Variants in PSD2 observed in about 807,000 individuals in gnomAD.
PSD2 encodes PH and SEC7 domain-containing protein 2.
A neutral mutation model predicts 69.8 loss-of-function variants in PSD2; 38 were observed. The ratio of observed to expected loss-of-function variants is 0.54; its 90% CI spans 0.42 to 0.71. The LOEUF (loss-of-function observed/expected upper bound fraction) is 0.71. Among genes scored for constraint, PSD2 ranks in the 30% least tolerant of loss-of-function variants. The pLI is 0.00. For missense variants in PSD2, 943 were observed against 1,014.5 expected, an observed-to-expected ratio of 0.93 and a Z score of 0.96; for synonymous variants, 412 against 423.0, an observed-to-expected ratio of 0.97 and a Z score of 0.32.
At chr5:139,766,596 A>T in the PSD2 span, among the ~76,000 whole-genome samples, 1 of 152,080 alleles carries the variant, frequency 6.6e-6, no homozygotes, top group Non-Finnish European at 1.5e-5. Context: ...CCATGGTTAG[A>T]TCTGTGATTT....
chr5:139,816,302 C>G (rs1009670348), intron 4 of PSD2, among the ~76,000 whole-genome samples: 1 of 152,166 alleles, frequency 6.6e-6, no homozygotes, highest in Non-Finnish European at 1.5e-5. Context: ...CTCCAACATT[C>G]AGTCTGTGTT....
chr5:139,778,803 C>T, the PSD2 span, among the ~76,000 whole-genome samples: 1 of 151,816 alleles, frequency 6.6e-6, no homozygotes, highest in Admixed American at 6.6e-5. Flanking sequence ...GTGGCACGTG[C>T]CTATAGTCGC....
chr5:139,823,062 T>C (rs1294176912), intron 7 of PSD2, among the ~76,000 whole-genome samples: 1 of 152,170 alleles, frequency 6.6e-6, no homozygotes, highest in Admixed American at 6.5e-5. Flanking sequence ...TAAGAGATCA[T>C]GTGCCCTTTG....
At chr5:139,777,013 T>G in the PSD2 span, among the ~76,000 whole-genome samples, 1 of 152,330 alleles carries the variant, frequency 6.6e-6, no homozygotes, top group East Asian at 1.9e-4. Context: ...TGTCCAGCTG[T>G]TGGAACTAGC....
chr5:139,813,031 G>C (rs569088872), intron 2 of PSD2, among the ~76,000 whole-genome samples: 7 of 152,298 alleles, frequency 4.6e-5, no homozygotes, highest in South Asian at 2.1e-4. Context: ...CAGGGGACTG[G>C]GGCTTCTTAG....
At chr5:139,778,668 C>T in the PSD2 span, among the ~76,000 whole-genome samples, 10 of 151,942 alleles carry the variant, frequency 6.6e-5, no homozygotes, top group Non-Finnish European at 1.5e-4. Context: ...TGGTGGCTTA[C>T]GCCTGTAATA....
chr5:139,790,012 G>A, the PSD2 span, among the ~76,000 whole-genome samples: 1 of 152,128 alleles, frequency 6.6e-6, no homozygotes, highest in Non-Finnish European at 1.5e-5. Context: ...CGCTGAGGTG[G>A]GAGTGTCCCT....
intron 7 of PSD2, among the ~76,000 whole-genome samples, chr5:139,831,330 A>G (rs1370460391): frequency 6.6e-6 from 1 of 152,208 alleles, no homozygotes; most frequent in Non-Finnish European, 1.5e-5. Flanking sequence ...TTTAAGGCAT[A>G]TATCTTGTAT....
chr5:139,830,521 T>TCTTCCTTCCTTC (rs534774072), intron 7 of PSD2, among the ~76,000 whole-genome samples: 5,396 of 96,938 alleles, frequency 0.056, 294 homozygotes, highest in South Asian at 0.12. Context: ...CAGCTAATTT[T>TCTTCCTTCCTTC]CTTCCTTCCT....
the PSD2 span, chr5:139,743,698 C>T: frequency 1.3e-5 from 2 of 152,412 alleles, no homozygotes; most frequent in Non-Finnish European, 2.9e-5. Flanking sequence ...TGGGAGCCCA[C>T]ACTGAGTGCA....
At chr5:139,748,688 C>T in the PSD2 span, among the ~76,000 whole-genome samples, 1 of 152,246 alleles carries the variant, frequency 6.6e-6, no homozygotes, top group East Asian at 1.9e-4. Flanking sequence ...AGAACAAAGG[C>T]CGGGCAGGTG....
intron 5 of PSD2, among the ~76,000 whole-genome samples, chr5:139,819,829 C>T (rs531856960): frequency 7.2e-5 from 11 of 152,278 alleles, no homozygotes; most frequent in South Asian, 6.2e-4. Context: ...AGGTGTTCAG[C>T]GGGGTCAGCT....
the PSD2 span, among the ~76,000 whole-genome samples, chr5:139,759,208 T>A: frequency 1.3e-5 from 2 of 152,104 alleles, no homozygotes; most frequent in African/African-American, 4.8e-5. Context: ...GGTGCCTGTG[T>A]GTGTTGGAAA....
At chr5:139,819,153 A>G (rs1264601335) in intron 5 of PSD2, among the ~76,000 whole-genome samples, 1 of 152,242 alleles carries the variant, frequency 6.6e-6, no homozygotes, top group Non-Finnish European at 1.5e-5. Flanking sequence ...GTTCTAGATT[A>G]TTCTGTGTTC....
intron 1 of PSD2, among the ~76,000 whole-genome samples, chr5:139,801,802 C>T (rs1231276436): frequency 6.6e-6 from 1 of 152,220 alleles, no homozygotes; most frequent in Non-Finnish European, 1.5e-5. Flanking sequence ...ACCTGCTCCA[C>T]CCAGTTTCTC....
chr5:139,822,366 C>G (rs1316196885), intron 6 of PSD2, among the ~76,000 whole-genome samples: 1 of 152,162 alleles, frequency 6.6e-6, no homozygotes, highest in African/African-American at 2.4e-5. Context: ...ATAGATGGGC[C>G]TAAGTCCCAG....
At chr5:139,811,992 C>T (rs1759980143) in intron 2 of PSD2, among the ~76,000 whole-genome samples, 1 of 152,156 alleles carries the variant, frequency 6.6e-6, no homozygotes. Context: ...GTCTTACTCT[C>T]TCAGTCTCTC....
In PSD2 at chr5:139,813,383, T is replaced by C; in HGVS notation, c.446T>C (p.Leu149Pro). The C allele has an allele frequency of 6.2e-7, 1 of 1,603,574 alleles. No individual in the cohort carries two copies. The highest frequency in any genetic ancestry group is 1.1e-5 in the South Asian group (1 of 90,710). ...TTTGAGAAGATTCTGGAGTCAGAGC[T>C]GCTGCGGGGCACCCAGTACAGCAGC... ...ATFEKILESE[L>P]LRGTQYSSLD... The change falls in exon 3 of 15, where the codon CTG (leucine) becomes CCG (proline). Residue 149 changes from leucine to proline, a missense_variant. Around this residue, in one of 3 missense-constraint regions of PSD2, gnomAD observed 466 missense variants for 445.0 expected, o/e 1.05. Coordinates refer to ENST00000274710, the MANE Select transcript of PSD2 (RefSeq NM_032289.4).
rs796848563 is a variant in PSD2 at position 139,813,356 on chromosome 5, C to T, written c.419C>T (p.Thr140Met). The change falls in exon 3 of 15, where the codon ACG (threonine) becomes ATG (methionine). Residue 140 changes from threonine to methionine, a missense_variant. Thr to Met is a moderately conservative substitution (Grantham distance 81). This residue lies in a region of PSD2 where 466 missense variants were observed against 445.0 expected (regional missense o/e 1.05). Coordinates refer to ENST00000274710, the MANE Select transcript of PSD2 (RefSeq NM_032289.4). Reference protein sequence around the residue: ...EPDVRDGFSATFEKILESELL... With the variant: ...EPDVRDGFSAMFEKILESELL... The stretch of plus-strand genomic sequence containing the variant: ...GATGTGCGGGATGGCTTCAGCGCCA[C>T]GTTTGAGAAGATTCTGGAGTCAGAG... 9.5e-6 allele frequency: 15 copies of T among 1,586,730 alleles called. No individual in the cohort carries two copies. The highest frequency in any genetic ancestry group is 8.1e-5 in the African/African-American group (6 of 74,472).
Sources: gnomAD v4.1 joint callset for allele counts (sites outside exome capture counted in the v4.1 genomes callset) on GRCh38, gnomAD v4.1.1 for gene constraint, gnomAD v4.1.1 regional missense constraint, MANE v1.5 for transcripts, NCBI Gene and HGNC (gene_info 2026-07-23, HGNC 2026-07-21) for gene names.